The following KCNJ6 variants were observed in gnomAD, a reference collection of about 807,000 sequenced individuals.
KCNJ6 encodes G protein-activated inward rectifier potassium channel 2.
In KCNJ6, 9 loss-of-function variants were observed where a neutral mutation model predicts 34.2. The ratio of observed to expected loss-of-function variants is 0.26; its 90% CI spans 0.16 to 0.46. KCNJ6 has a LOEUF of 0.46. KCNJ6 is among the 20% of genes least tolerant of loss of function. The pLI, the probability that KCNJ6 is intolerant of heterozygous loss-of-function variation, is 1.00. For missense variants in KCNJ6, 236 were observed against 531.3 expected (o/e 0.44, Z 5.46); for synonymous variants, 196 against 207.1 (o/e 0.95, Z 0.46).
In KCNJ6 at chr21:37,843,191, C is replaced by A. The variant is rs185787123; in HGVS notation, c.-27-2482G>T. ...TATCTCTTGTGACCTAAGGACCCTG[C>A]CACATTCTGGACCCCATTCTTGCTG... On this transcript the variant is annotated intron_variant, in intron 1 of 3. Coordinates refer to ENST00000609713, the MANE Select transcript of KCNJ6 (RefSeq NM_002240.5). Among the ~76,000 whole-genome samples the A allele has an allele frequency of 4.9e-4, 75 of 152,300 alleles. 1 individual carries two copies. The highest frequency in any genetic ancestry group is 3.6e-3 in the Admixed American group (55 of 15,308).
chr21:37,645,017 GTTTTT>G (rs71198881), intron 3 of KCNJ6, among the ~76,000 whole-genome samples: 1,584 of 130,810 alleles, frequency 0.012, 33 homozygotes, highest in African/African-American at 0.045. Context: ...AAACAGGTGG[GTTTTT>G]TTTTTTTTTT....
chr21:37,712,601 C>G (rs2054762784), intron 3 of KCNJ6, among the ~76,000 whole-genome samples: 1 of 105,714 alleles, frequency 9.5e-6, no homozygotes, highest in Non-Finnish European at 1.9e-5. Flanking sequence ...TTCCCTCCCT[C>G]CTCCCCTCCT....
intron 2 of KCNJ6, among the ~76,000 whole-genome samples, chr21:37,730,108 C>T (rs2054876602): frequency 6.6e-6 from 1 of 152,190 alleles, no homozygotes; most frequent in Non-Finnish European, 1.5e-5. Flanking sequence ...TGGTTTCCTT[C>T]TGAGAGCAAG....
chr21:37,784,004 A>G (rs535138146), intron 2 of KCNJ6, among the ~76,000 whole-genome samples: 1 of 152,290 alleles, frequency 6.6e-6, no homozygotes, highest in Admixed American at 6.5e-5. Flanking sequence ...AGCCTCCAGA[A>G]CCATGGGAAA....
intron 3 of KCNJ6, among the ~76,000 whole-genome samples, chr21:37,692,109 C>T (rs964088612): frequency 1.3e-5 from 2 of 152,042 alleles, no homozygotes; most frequent in African/African-American, 4.8e-5. Context: ...GGGCTTAAAA[C>T]CTAGATGACA....
chr21:37,814,512 C>G (rs911848724), intron 2 of KCNJ6, among the ~76,000 whole-genome samples: 3 of 152,088 alleles, frequency 2.0e-5, no homozygotes, highest in Non-Finnish European at 4.4e-5. Flanking sequence ...TCACAATAGC[C>G]AAAATTTGGA....
chr21:37,862,844 G>T (rs2055601540), intron 1 of KCNJ6, among the ~76,000 whole-genome samples: 1 of 152,222 alleles, frequency 6.6e-6, no homozygotes. Context: ...GACATCATTT[G>T]TTGCCAGGAG....
chr21:37,723,301 A>G (rs752247803), intron 2 of KCNJ6, among the ~76,000 whole-genome samples: 2 of 152,226 alleles, frequency 1.3e-5, no homozygotes, highest in Non-Finnish European at 2.9e-5. Flanking sequence ...CTGTGGAGAA[A>G]AGGGAAACTT....
At chr21:37,812,251 C>T (rs945291969) in intron 2 of KCNJ6, among the ~76,000 whole-genome samples, 2 of 152,164 alleles carry the variant, frequency 1.3e-5, no homozygotes, top group African/African-American at 4.8e-5. Context: ...TCACCAGCTG[C>T]AGTGATTCAG....
chr21:37,859,532 A>ATATATAAATAT (rs1568875152), intron 1 of KCNJ6, among the ~76,000 whole-genome samples: 12 of 77,804 alleles, frequency 1.5e-4, no homozygotes, highest in African/African-American at 9.0e-4. Context: ...TATATATATA[A>ATATATAAATAT]AATACTTAAA....
chr21:37,800,755 T>C (rs2055265261), intron 2 of KCNJ6, among the ~76,000 whole-genome samples: 1 of 152,234 alleles, frequency 6.6e-6, no homozygotes, highest in African/African-American at 2.4e-5. Flanking sequence ...GGGAATGAGT[T>C]CGTCTCTACT....
chr21:37,727,776 C>G (rs765718911), intron 2 of KCNJ6, among the ~76,000 whole-genome samples: 1 of 152,042 alleles, frequency 6.6e-6, no homozygotes, highest in African/African-American at 2.4e-5. Flanking sequence ...GAAACAGAAC[C>G]TTGGAGACAG....
chr21:37,864,756 A>G (rs1568877113), intron 1 of KCNJ6, among the ~76,000 whole-genome samples: 1 of 152,168 alleles, frequency 6.6e-6, no homozygotes, highest in Non-Finnish European at 1.5e-5. Flanking sequence ...TCTAAAAATG[A>G]GTAGAGGACA....
At chr21:37,806,734 T>C (rs891357660) in intron 2 of KCNJ6, among the ~76,000 whole-genome samples, 5 of 152,234 alleles carry the variant, frequency 3.3e-5, no homozygotes, top group African/African-American at 4.8e-5. Context: ...CTGTGATCAA[T>C]AGAACAACGA....
intron 3 of KCNJ6, among the ~76,000 whole-genome samples, chr21:37,674,758 C>T (rs1053422336): frequency 2.6e-5 from 4 of 151,844 alleles, no homozygotes; most frequent in African/African-American, 7.3e-5. Flanking sequence ...CGTCTCACTC[C>T]GACAGGCTTA....
chr21:37,848,223 A>C (rs2055519776), intron 1 of KCNJ6, among the ~76,000 whole-genome samples: 1 of 152,156 alleles, frequency 6.6e-6, no homozygotes, highest in Admixed American at 6.5e-5. Flanking sequence ...GTGGAGGCAA[A>C]ACCCAATGAG....
chr21:37,831,777 G>A (rs2055427295), intron 2 of KCNJ6, among the ~76,000 whole-genome samples: 1 of 152,184 alleles, frequency 6.6e-6, no homozygotes, highest in South Asian at 2.1e-4. Context: ...AGGAGGCAGG[G>A]GAATGCGCAA....
chr21:37,697,587 A>G (rs1464014588), intron 3 of KCNJ6, among the ~76,000 whole-genome samples: 1 of 152,194 alleles, frequency 6.6e-6, no homozygotes, highest in South Asian at 2.1e-4. Context: ...AAGCCAAACC[A>G]CATCTTAGGG....
intron 3 of KCNJ6, among the ~76,000 whole-genome samples, chr21:37,688,358 T>C (rs1004244455): frequency 7.1e-6 from 1 of 140,898 alleles, no homozygotes; most frequent in Non-Finnish European, 1.5e-5. Flanking sequence ...GATACACCCG[T>C]ATTTTAAAAG....
Sources: allele counts gnomAD v4.1 joint callset (sites outside exome capture counted in the v4.1 genomes callset), GRCh38; gene constraint gnomAD v4.1.1; transcripts MANE v1.5; gene names NCBI Gene and HGNC (gene_info 2026-07-23, HGNC 2026-07-21).